Variants in NUDC observed in about 807,000 individuals in gnomAD.
The protein encoded by NUDC is nuclear migration protein nudC.
In NUDC, 14 loss-of-function variants were observed where a neutral mutation model predicts 45.0. That is an observed-to-expected ratio of 0.31 (90% CI 0.21 to 0.49). The LOEUF is 0.49. Ranked by LOEUF, NUDC falls within the 20% of genes least tolerant of loss-of-function variation. The pLI is 0.99. For missense variants in NUDC, 323 were observed against 426.2 expected (o/e 0.76, Z 2.13); for synonymous variants, 153 against 156.7 (o/e 0.98, Z 0.17).
chr1:26,945,590 C>T lies in NUDC; in HGVS notation c.848C>T (p.Thr283Ile). 6.2e-7 allele frequency: 1 copy of T among 1,614,176 alleles called. No homozygotes were observed. The highest frequency in any genetic ancestry group is 8.5e-7 in the Non-Finnish European group (1 of 1,180,012). The change falls in exon 8 of 9, where the codon ACT becomes ATT. Residue 283 changes from threonine to isoleucine, a missense_variant. Thr to Ile is a moderately conservative substitution (Grantham distance 89). Around this residue, in one of 3 missense-constraint regions of NUDC, gnomAD observed 54 missense variants for 100.2 expected, o/e 0.54. Coordinates refer to ENST00000321265, the MANE Select transcript of NUDC (RefSeq NM_006600.4). ...NSKLSDLDSE[T>I]RSMVEKMMYD... ...CAGCTGTCAGACCTGGACAGTGAGA[C>T]TCGCAGCATGGTGGAAAAGATGATG...
intron 2 of NUDC, among the ~76,000 whole-genome samples, chr1:26,940,724 C>T (rs371333204): frequency 2.0e-5 from 3 of 152,246 alleles, no homozygotes; most frequent in East Asian, 3.9e-4. Flanking sequence ...CTCGCTTTGT[C>T]ACCCATGCTG....
At chr1:26,945,756 A>ATCCACTCACTGCT in intron 8 of NUDC, 70 bp downstream of exon 8, 1 of 1,072,900 alleles carries the variant, frequency 9.3e-7, no homozygotes, top group Non-Finnish European at 1.5e-6. Context: ...GACAGCAGTG[A>ATCCACTCACTGCT]GTGGATCACT....
chr1:26,913,502 G>A (rs781737008), intron 3 of NUDC: 20 of 1,613,548 alleles, frequency 1.2e-5, no homozygotes, highest in Non-Finnish European at 1.6e-5. Flanking sequence ...TGAAGCCACT[G>A]CACCGCAGCC....
chr1:26,909,840 G>T (rs1373286428), intron 2 of NUDC, among the ~76,000 whole-genome samples: 1 of 152,062 alleles, frequency 6.6e-6, no homozygotes, highest in Non-Finnish European at 1.5e-5. Flanking sequence ...GGGATACAGG[G>T]CTTGTTCTGG....
intron 2 of NUDC, among the ~76,000 whole-genome samples, chr1:26,931,464 C>T (rs1428730810): frequency 6.9e-6 from 1 of 144,820 alleles, no homozygotes; most frequent in East Asian, 2.2e-4. Context: ...CTCACTGCAA[C>T]CTGTGCCTCC....
upstream of NUDC, among the ~76,000 whole-genome samples, chr1:26,916,866 G>A (rs2082064251): frequency 6.6e-6 from 1 of 152,178 alleles, no homozygotes; most frequent in Non-Finnish European, 1.5e-5. Context: ...AAGGTGGGAG[G>A]ATTGCTTGAA....
In NUDC at chr1:26,945,680, TGAA is replaced by T; in HGVS notation, c.943_944+1del. 6.2e-7 allele frequency: 1 copy of T among 1,612,712 alleles called. No individual in the cohort carries two copies. Among genetic ancestry groups the T allele is most frequent in the Non-Finnish European group, 8.5e-7 (1 of 1,178,914 alleles). ...GACGAACAGAAGAAACAGGAGATTC[TGAA>T]GAAGTGAGCAATTCAGAGACGGGGT... On this transcript the variant is annotated inframe_deletion, in exon 8 of 9. Transcript: ENST00000321265.
At chr1:26,909,549 G>C (rs1460022373) in intron 2 of NUDC, among the ~76,000 whole-genome samples, 1 of 152,204 alleles carries the variant, frequency 6.6e-6, no homozygotes, top group Non-Finnish European at 1.5e-5. Flanking sequence ...AAGGAGAAGG[G>C]TAAGAGGTGG....
intron 2 of NUDC, among the ~76,000 whole-genome samples, chr1:26,933,883 G>A (rs1450949311): frequency 3.3e-5 from 5 of 152,164 alleles, no homozygotes; most frequent in Admixed American, 2.6e-4. Flanking sequence ...GGCTGGGCAC[G>A]GTGGCTCACG....
chr1:26,910,674 T>C (rs191296291), intron 2 of NUDC, among the ~76,000 whole-genome samples: 24 of 152,300 alleles, frequency 1.6e-4, no homozygotes. Flanking sequence ...CCTATAGGCA[T>C]GTGTGTTGTT....
intron 2 of NUDC, among the ~76,000 whole-genome samples, chr1:26,935,588 C>CAAG (rs2082222725): frequency 6.6e-6 from 1 of 152,006 alleles, no homozygotes; most frequent in African/African-American, 2.4e-5. Context: ...TAGCCACCCC[C>CAAG]ATGATTCAAA....
intron 2 of NUDC, among the ~76,000 whole-genome samples, chr1:26,910,768 A>G (rs2082022194): frequency 6.6e-6 from 1 of 152,238 alleles, no homozygotes; most frequent in Non-Finnish European, 1.5e-5. Flanking sequence ...AGTGAGGCAC[A>G]GATATTGACC....
chr1:26,930,535 C>G (rs2082172167), intron 2 of NUDC, among the ~76,000 whole-genome samples: 3 of 152,010 alleles, frequency 2.0e-5, no homozygotes, highest in Admixed American at 2.0e-4. Context: ...CAACATAGAG[C>G]ATATCTGTAC....
upstream of NUDC, among the ~76,000 whole-genome samples, chr1:26,918,139 C>T (rs1165706844): frequency 2.0e-5 from 3 of 151,430 alleles, no homozygotes; most frequent in Non-Finnish European, 2.9e-5. Flanking sequence ...TCTTTCACAC[C>T]GAGGAATCTG....
intron 2 of NUDC, among the ~76,000 whole-genome samples, chr1:26,932,805 G>A (rs529432887): frequency 6.6e-6 from 1 of 152,058 alleles, no homozygotes; most frequent in Non-Finnish European, 1.5e-5. Context: ...GTTGACTACT[G>A]TAGATACTTC....
At chr1:26,938,729 C>T (rs1025411099) in intron 2 of NUDC, among the ~76,000 whole-genome samples, 15 of 152,324 alleles carry the variant, frequency 9.8e-5, no homozygotes, top group Admixed American at 3.3e-4. Context: ...CCCTGCAGAG[C>T]TTTCCCTGCA....
rs2082242667 is a variant in NUDC at position 26,937,288 on chromosome 1, A to C, written c.160-4169A>C. ...TTTAGGGGGGTTTTTGTTTTGAGAC[A>C]GGTTCTCACTCTCACGCAGGTTGTA... On this transcript the variant is annotated intron_variant, in intron 2 of 8. Transcript: ENST00000321265. 2.6e-5 allele frequency among the ~76,000 whole-genome samples: 4 copies of C among 152,058 alleles called. No individual in the cohort carries two copies. In the South Asian group the frequency reaches 8.3e-4, roughly 32 times the overall value.
upstream of NUDC, among the ~76,000 whole-genome samples, chr1:26,918,234 G>C (rs1423354546): frequency 6.7e-6 from 1 of 148,420 alleles, no homozygotes; most frequent in Non-Finnish European, 1.5e-5. Flanking sequence ...GCGCAGTGGA[G>C]TGATCTTGAC....
At position 26,941,534 on chromosome 1, in the gene NUDC, C is replaced by CGAGCGGCGGGAGAAGGCG. The variant is rs1557680647; in HGVS notation, c.244_261dup (p.Arg82_Arg87dup). On this transcript the variant is annotated inframe_insertion, in exon 3 of 9. Coordinates refer to ENST00000321265, the MANE Select transcript of NUDC (RefSeq NM_006600.4). The stretch of plus-strand genomic sequence containing the variant: ...GGGAGAAGAGAGCCCGGCAGGAGGC[C>CGAGCGGCGGGAGAAGGCG]GAGCGGCGGGAGAAGGCGGAGCGGG... The CGAGCGGCGGGAGAAGGCG allele has an allele frequency of 6.2e-7, 1 of 1,613,650 alleles. No individual in the cohort carries two copies. Among genetic ancestry groups the CGAGCGGCGGGAGAAGGCG allele is most frequent in the South Asian group, 1.1e-5 (1 of 90,986 alleles).
Sources: allele counts gnomAD v4.1 joint callset (sites outside exome capture counted in the v4.1 genomes callset), GRCh38; gene constraint gnomAD v4.1.1; regional missense constraint gnomAD v4.1.1; transcripts MANE v1.5; gene names NCBI Gene and HGNC (gene_info 2026-07-23, HGNC 2026-07-21).